The following SLC25A13 variants were observed in gnomAD, a reference collection of about 807,000 sequenced individuals.
SLC25A13 encodes electrogenic aspartate/glutamate antiporter SLC25A13, mitochondrial.
A neutral mutation model predicts 85.5 loss-of-function variants in SLC25A13; 70 were observed. The observed-to-expected ratio is 0.82, with a 90% CI of 0.68 to 1.00. The LOEUF is 1.00. Among genes scored for constraint, SLC25A13 ranks in the 50% least tolerant of loss-of-function variants. The probability of loss-of-function intolerance (pLI) is 0.00; values close to 1 mark genes in which losing one functional copy is unlikely to be tolerated. For synonymous variants in SLC25A13, 259 were observed against 288.7 expected (o/e 0.90, Z 1.04); for missense variants, 765 against 819.8 (o/e 0.93, Z 0.82).
chr7:96,287,585 C>T (rs992289289), intron 2 of SLC25A13, among the ~76,000 whole-genome samples: 1 of 152,184 alleles, frequency 6.6e-6, no homozygotes, highest in African/African-American at 2.4e-5. Flanking sequence ...GTGGATGTAG[C>T]AGCTGACAAA....
At chr7:96,134,711 G>C (rs1396330129) in intron 14 of SLC25A13, among the ~76,000 whole-genome samples, 1 of 149,414 alleles carries the variant, frequency 6.7e-6, no homozygotes, top group African/African-American at 2.5e-5. Flanking sequence ...GATGTGAGAT[G>C]TACTTCAAGA....
Position 96,131,796 on chromosome 7 carries a change from T to C in SLC25A13, c.1538A>G (p.Asn513Ser), listed in dbSNP as rs369962634. 3.1e-6 allele frequency: 5 copies of C among 1,614,064 alleles called. No homozygotes were observed. The South Asian group carries it at 3.3e-5, about 11-fold the overall frequency. Residue 513 changes from asparagine to serine, a missense_variant, in exon 15 of 18, where the codon AAT becomes AGT. Transcript: ENST00000265631. ...CYAHVKASFA[N>S]EDGQVSPGSL... ...TCCTGGGCTAACCTGCCCATCTTCA[T>C]TTGCAAAGGAAGCCTTCACATGAGC...
intron 4 of SLC25A13, among the ~76,000 whole-genome samples, chr7:96,234,310 G>A (rs371901758): frequency 2.6e-5 from 4 of 152,144 alleles, no homozygotes; most frequent in Admixed American, 1.3e-4. Flanking sequence ...TCGGGGGAGC[G>A]GGGGTTGTTT....
chr7:96,154,962 C>A (rs1343843988), intron 13 of SLC25A13, among the ~76,000 whole-genome samples: 1 of 152,016 alleles, frequency 6.6e-6, no homozygotes, highest in Non-Finnish European at 1.5e-5. Flanking sequence ...CCATACCTGG[C>A]TAGTTTTTTT....
chr7:96,145,936 T>A (rs1302536272), intron 14 of SLC25A13, among the ~76,000 whole-genome samples: 9 of 152,180 alleles, frequency 5.9e-5, no homozygotes, highest in African/African-American at 1.4e-4. Context: ...AATGTTTTTT[T>A]AAAAAATTCT....
At chr7:96,216,965 A>G (rs1258988963) in intron 4 of SLC25A13, among the ~76,000 whole-genome samples, 28 of 152,226 alleles carry the variant, frequency 1.8e-4, no homozygotes, top group Admixed American at 1.8e-3. Flanking sequence ...AGACTAGGAG[A>G]AAAACTTTGC....
chr7:96,224,515 C>T (rs1258462471), intron 4 of SLC25A13, among the ~76,000 whole-genome samples: 1 of 152,158 alleles, frequency 6.6e-6, no homozygotes, highest in African/African-American at 2.4e-5. Flanking sequence ...TCTCCTCACC[C>T]TTCCCTATCG....
chr7:96,300,856 A>G (rs944526802), intron 1 of SLC25A13, among the ~76,000 whole-genome samples: 5 of 152,182 alleles, frequency 3.3e-5, no homozygotes, highest in African/African-American at 9.7e-5. Context: ...CCTCATCTCT[A>G]TAGTAATTCC....
intron 3 of SLC25A13, among the ~76,000 whole-genome samples, chr7:96,267,722 G>A (rs1367787540): frequency 6.6e-6 from 1 of 150,854 alleles, no homozygotes; most frequent in African/African-American, 2.4e-5. Flanking sequence ...GCTGAAGCAG[G>A]AGAATTGCTT....
chr7:96,262,105 TACAAG>T (rs1271738744), intron 3 of SLC25A13, among the ~76,000 whole-genome samples: 1 of 152,216 alleles, frequency 6.6e-6, no homozygotes, highest in Non-Finnish European at 1.5e-5. Context: ...CATAGCTCAG[TACAAG>T]ACTGTTTTAA....
intron 13 of SLC25A13, among the ~76,000 whole-genome samples, chr7:96,149,123 G>A (rs1396427298): frequency 6.6e-6 from 1 of 152,216 alleles, no homozygotes; most frequent in African/African-American, 2.4e-5. Context: ...CATGTGCAGT[G>A]AGGCTGAGAA....
At chr7:96,276,123 A>T (rs1193058846) in intron 3 of SLC25A13, among the ~76,000 whole-genome samples, 1 of 152,228 alleles carries the variant, frequency 6.6e-6, no homozygotes, top group Non-Finnish European at 1.5e-5. Context: ...CAGGGACAGA[A>T]GCAAAGTCTC....
intron 13 of SLC25A13, among the ~76,000 whole-genome samples, chr7:96,163,015 C>A (rs1474445863): frequency 1.3e-5 from 2 of 152,168 alleles, no homozygotes; most frequent in East Asian, 3.9e-4. Flanking sequence ...GCTATGAAAC[C>A]TTCACAAGGT....
At chr7:96,319,175 A>C (rs1800238136) in intron 1 of SLC25A13, among the ~76,000 whole-genome samples, 1 of 152,208 alleles carries the variant, frequency 6.6e-6, no homozygotes, top group Non-Finnish European at 1.5e-5. Flanking sequence ...GGACATGATA[A>C]GAAATGGCCT....
At chr7:96,178,639 G>A (rs1794313752) in intron 11 of SLC25A13, among the ~76,000 whole-genome samples, 1 of 151,940 alleles carries the variant, frequency 6.6e-6, no homozygotes, top group Non-Finnish European at 1.5e-5. Flanking sequence ...TCTTCCCCGA[G>A]AAACCCCTTT....
At chr7:96,160,746 T>C (rs575206354) in intron 13 of SLC25A13, among the ~76,000 whole-genome samples, 169 of 152,290 alleles carry the variant, frequency 1.1e-3, no homozygotes, top group African/African-American at 3.9e-3. Flanking sequence ...ATTCAATCTA[T>C]AGCACCCATG....
intron 5 of SLC25A13, among the ~76,000 whole-genome samples, chr7:96,199,643 T>C (rs1207275954): frequency 6.6e-6 from 1 of 152,130 alleles, no homozygotes; most frequent in Non-Finnish European, 1.5e-5. Context: ...AGGCCCAATT[T>C]CTCTTTAATA....
Position 96,289,684 on chromosome 7 carries a change from T to C in SLC25A13, c.69+7214A>G, listed in dbSNP as rs183313018. Among the ~76,000 whole-genome samples, 378 of 152,020 alleles carry C rather than the reference T, an allele frequency of 2.5e-3. 6 individuals are homozygous for C. In the South Asian group the frequency reaches 0.026, roughly 10 times the overall value. Reference sequence around the variant, plus strand: ...GTGATGGAAGATCAAATGAATGAAATGAAGCGAGAAGAGAAGTTTAGAGAA... The same window carrying C: ...GTGATGGAAGATCAAATGAATGAAACGAAGCGAGAAGAGAAGTTTAGAGAA... On this transcript the variant is annotated intron_variant, in intron 2 of 17. Coordinates refer to ENST00000265631, the MANE Select transcript of SLC25A13 (RefSeq NM_014251.3).
At chr7:96,156,160 A>T (rs971758201) in intron 13 of SLC25A13, among the ~76,000 whole-genome samples, 2 of 152,340 alleles carry the variant, frequency 1.3e-5, no homozygotes, top group East Asian at 3.9e-4. Flanking sequence ...AGTAATATGG[A>T]AGAGATGTTT....
Sources: allele counts gnomAD v4.1 joint callset (sites outside exome capture counted in the v4.1 genomes callset), GRCh38; gene constraint gnomAD v4.1.1; transcripts MANE v1.5; gene names NCBI Gene and HGNC (gene_info 2026-07-23, HGNC 2026-07-21).